DAGLB: variants seen among roughly 807,000 people sequenced by gnomAD.
DAGLB encodes the protein diacylglycerol lipase beta, also known as diacylglycerol lipase-beta.
A neutral mutation model predicts 72.1 loss-of-function variants in DAGLB; 66 were observed. That is an observed-to-expected ratio of 0.92 (90% CI 0.75 to 1.12). DAGLB has a LOEUF of 1.12. Among genes scored for constraint, DAGLB ranks in the 50% most tolerant of loss-of-function variants. DAGLB has a pLI of 0.00. For missense variants in DAGLB, 1,065 were observed against 884.9 expected (o/e 1.20, Z -2.58); for synonymous variants, 414 against 359.5 (o/e 1.15, Z -1.71).
intron 2 of DAGLB, among the ~76,000 whole-genome samples, chr7:6,439,967 G>A (rs967251558): frequency 6.8e-6 from 1 of 147,804 alleles, no homozygotes; most frequent in Non-Finnish European, 1.5e-5. Flanking sequence ...CAGGAGAATC[G>A]GTCGAACCCA....
chr7:6,409,590 G>C lies in DAGLB; in HGVS notation c.*247C>G. ...CCACGGGCCAGGGCTTCCCGAGGCT[G>C]TCTCCACGGTCGCTGGGTCTCAGGA... On this transcript the variant is annotated 3_prime_UTR_variant, in exon 15 of 15. Coordinates refer to ENST00000297056, the MANE Select transcript of DAGLB (RefSeq NM_139179.4). The C allele has an allele frequency of 1.8e-6, 1 of 552,448 alleles. No individual in the cohort carries two copies. The highest frequency in any genetic ancestry group is 3.1e-5 in the East Asian group (1 of 32,000). The allele number at this position is 552,448 out of a possible 1,614,324, so 34.2% of individuals were successfully genotyped here.
intron 13 of DAGLB, 129 bp from the exon 14 acceptor site, chr7:6,410,509 A>G: frequency 7.3e-7 from 1 of 1,373,994 alleles, no homozygotes; most frequent in Non-Finnish European, 9.7e-7. Context: ...GGAAGACTCC[A>G]GCAAAGATGC....
intron 9 of DAGLB, among the ~76,000 whole-genome samples, chr7:6,420,831 C>T (rs1378811919): frequency 6.6e-6 from 1 of 152,198 alleles, no homozygotes; most frequent in East Asian, 1.9e-4. Context: ...ACACCCATAG[C>T]ACAGTGAGCA....
intron 9 of DAGLB, among the ~76,000 whole-genome samples, chr7:6,419,413 C>A (rs114212795): frequency 0.02 from 3,068 of 152,280 alleles, 111 homozygotes; most frequent in African/African-American, 0.07. Flanking sequence ...GCTGGGCAGG[C>A]AGAGCCCAGC....
At chr7:6,445,769 A>T in intron 2 of DAGLB, 184 bp downstream of exon 2, 1 of 648,602 alleles carries the variant, frequency 1.5e-6, no homozygotes, top group Middle Eastern at 4.7e-4. Context: ...CGCCTGGTAC[A>T]GGATTTCTTT....
intron 13 of DAGLB, chr7:6,412,576 G>A: frequency 1.8e-6 from 1 of 565,958 alleles, no homozygotes; most frequent in Non-Finnish European, 3.1e-6. Flanking sequence ...ATACACCACT[G>A]CTCCCAGCCC....
At chr7:6,430,185 G>A (rs1383987180) in intron 6 of DAGLB, among the ~76,000 whole-genome samples, 1 of 148,136 alleles carries the variant, frequency 6.8e-6, no homozygotes, top group Admixed American at 6.8e-5. Flanking sequence ...AGCCTGGGCA[G>A]CAAGGGTGAA....
At chr7:6,426,195 A>C in intron 6 of DAGLB, 81 bp from the exon 7 acceptor site, 1 of 1,587,168 alleles carries the variant, frequency 6.3e-7, no homozygotes, top group Non-Finnish European at 8.6e-7. Context: ...ACATGTTCCC[A>C]GAGACGCGAG....
chr7:6,435,828 G>C lies in DAGLB; in HGVS notation c.419+534C>G, dbSNP rs1296646909. Among the ~76,000 whole-genome samples, 28 of 152,196 alleles carry C rather than the reference G, an allele frequency of 1.8e-4. 1 individual carries two copies. Among genetic ancestry groups the C allele is most frequent in the Admixed American group, 1.8e-3 (28 of 15,266 alleles). The stretch of plus-strand genomic sequence containing the variant: ...CTGCTGCCCCCTGGCGGTGTGACTC[G>C]AGAAACGCAGCAACAGCCCAGGTCT... On this transcript the variant is annotated intron_variant, in intron 3 of 14. Transcript: ENST00000297056.
chr7:6,423,001 G>A (rs1413161441), intron 8 of DAGLB, among the ~76,000 whole-genome samples: 3 of 152,232 alleles, frequency 2.0e-5, no homozygotes, highest in Non-Finnish European at 4.4e-5. Context: ...TGGTGGACAG[G>A]ACAATGGACA....
intron 4 of DAGLB, among the ~76,000 whole-genome samples, chr7:6,433,851 CA>C (rs35042230): frequency 0.22 from 28,536 of 127,658 alleles, 3,125 homozygotes; most frequent in East Asian, 0.32. Context: ...GACCTTGTCT[CA>C]AAAAAAAAAA....
At position 6,422,019 on chromosome 7, in the gene DAGLB, A is replaced by G. The variant is rs934556681; in HGVS notation, c.1141-215T>C. The G allele has an allele frequency of 1.1e-5, 7 of 661,142 alleles. No individual in the cohort carries two copies. In the African/African-American group the frequency reaches 1.3e-4, roughly 12 times the overall value. 41.0% of individuals were successfully genotyped at this position (661,142 alleles called of 1,614,324 possible). A position where few individuals can be genotyped will look rare whatever the true frequency, so the allele number is the denominator to read the frequency against. On this transcript the variant is annotated intron_variant, in intron 8 of 14. Coordinates refer to ENST00000297056, the MANE Select transcript of DAGLB (RefSeq NM_139179.4). ...ACGACCAGCTCTGGGCCAGGCGTGAAGGGTGGAGGGGACCATGGAGTGTGC... is the reference window on the plus strand; with the variant it reads ...ACGACCAGCTCTGGGCCAGGCGTGAGGGGTGGAGGGGACCATGGAGTGTGC...
At chr7:6,412,512 T>C in intron 13 of DAGLB, 1 of 392,090 alleles carries the variant, frequency 2.6e-6, no homozygotes, top group Non-Finnish European at 4.7e-6. Context: ...GTTGCCCAGG[T>C]TGGCCTCAAG....
At chr7:6,430,656 C>T (rs749240372) in intron 5 of DAGLB, 49 bp from the exon 6 acceptor site, 2 of 1,479,724 alleles carry the variant, frequency 1.4e-6, no homozygotes, top group East Asian at 2.4e-5. Flanking sequence ...ACTCCTGACA[C>T]AGAGGATCAA....
intron 2 of DAGLB, among the ~76,000 whole-genome samples, chr7:6,443,046 G>A (rs1194258514): frequency 3.1e-4 from 46 of 150,526 alleles, no homozygotes; most frequent in African/African-American, 1.0e-3. Flanking sequence ...AGCCAGGCAC[G>A]GTGGCGGGCG....
chr7:6,414,541 T>A (rs1783839738), intron 11 of DAGLB, among the ~76,000 whole-genome samples: 1 of 151,862 alleles, frequency 6.6e-6, no homozygotes, highest in African/African-American at 2.4e-5. Flanking sequence ...GCTCAAGTGA[T>A]CCTCCTGCCT....
In DAGLB at chr7:6,411,381, G is replaced by C. The variant is rs568467258; in HGVS notation, c.1570-1001C>G. On this transcript the variant is annotated intron_variant, in intron 13 of 14. Transcript: ENST00000297056. ...TCACACCTGTAATCCCAGCACTTTG[G>C]GAGGTCAAGGCAAGCAGATTGCTTC... 2.6e-5 allele frequency among the ~76,000 whole-genome samples: 4 copies of C among 152,302 alleles called. No homozygotes were observed. In the South Asian group the frequency reaches 8.3e-4, roughly 32 times the overall value.
At chr7:6,428,422 G>A (rs769781238) in intron 6 of DAGLB, among the ~76,000 whole-genome samples, 2 of 151,504 alleles carry the variant, frequency 1.3e-5, no homozygotes, top group Non-Finnish European at 2.9e-5. Context: ...ATGCTGTACT[G>A]CCAGATGAGA....
Position 6,416,723 on chromosome 7 carries a change from A to T in DAGLB, c.1331T>A (p.Leu444His). The part of the protein sequence containing the change: ...EYRLVIVGHS[L>H]GGGAAALLAT... ...CAGCAGGGCGGCCGCCCCGCCCCCG[A>T]GGCTGTGGCCCACTATGACCAGCCG... Residue 444 changes from leucine to histidine, a missense_variant, in exon 11 of 15, where the codon CTC (leucine) becomes CAC (histidine). Coordinates refer to ENST00000297056, the MANE Select transcript of DAGLB (RefSeq NM_139179.4). The T allele has an allele frequency of 2.5e-6, 4 of 1,613,668 alleles. No individual in the cohort carries two copies. The highest frequency in any genetic ancestry group is 3.4e-6 in the Non-Finnish European group (4 of 1,179,822).
Sources: gnomAD v4.1 joint callset for allele counts (sites outside exome capture counted in the v4.1 genomes callset) on GRCh38, gnomAD v4.1.1 for gene constraint, MANE v1.5 for transcripts, NCBI Gene and HGNC (gene_info 2026-07-23, HGNC 2026-07-21) for gene names.